The following KCTD17 variants were observed in gnomAD, a reference collection of about 807,000 sequenced individuals.
KCTD17 encodes potassium channel tetramerization domain containing 17.
Under a neutral mutation model 41.5 loss-of-function variants are expected in KCTD17, and 20 were observed. The ratio of observed to expected loss-of-function variants is 0.48; its 90% CI spans 0.34 to 0.70. The LOEUF (loss-of-function observed/expected upper bound fraction) is 0.70, where lower values mean the gene tolerates loss of function less well. Among genes scored for constraint, KCTD17 ranks in the 30% least tolerant of loss-of-function variants. The probability of loss-of-function intolerance (pLI) is 0.01; values close to 1 mark genes in which losing one functional copy is unlikely to be tolerated. For synonymous variants in KCTD17, 156 were observed against 173.8 expected (o/e 0.90, Z 0.80); for missense variants, 317 against 427.2 (o/e 0.74, Z 2.27).
chr22:37,052,312 C>T (rs1924587887), intron 1 of KCTD17: 2 of 363,760 alleles, frequency 5.5e-6, no homozygotes, highest in African/African-American at 2.1e-5. Context: ...TTCTCCCGCT[C>T]TTTGGGATGT....
At chr22:37,060,106 G>T (rs1379234031) in intron 5 of KCTD17, among the ~76,000 whole-genome samples, 1 of 152,200 alleles carries the variant, frequency 6.6e-6, no homozygotes, top group Non-Finnish European at 1.5e-5. Flanking sequence ...CTGAGCGGGG[G>T]TCCTGCCATC....
chr22:37,061,485 G>C lies in KCTD17; in HGVS notation c.785-54G>C. On this transcript the variant is annotated intron_variant, in intron 7 of 8. Coordinates refer to ENST00000403888, the MANE Select transcript of KCTD17 (RefSeq NM_001282684.2). This position sits in a 1 kb window ranked among gnomAD's most constrained non-coding sequence, Gnocchi z 6.6. ...CTCTGAGACTGGGCCCTGGCTGCAG[G>C]CCCTGCCCCCCCTCCTCTCCTCCCG... The C allele has an allele frequency of 1.9e-6, 3 of 1,561,386 alleles. No individual in the cohort carries two copies. Among genetic ancestry groups the C allele is most frequent in the Non-Finnish European group, 2.6e-6 (3 of 1,158,496 alleles).
rs574123241 is a variant in KCTD17, at chr22:37,053,129, T to C, written c.219T>C (p.Arg73=). ...RDETGAYLID[R]DPTYFGPILN... ...AGACCGGGGCCTACCTCATTGACCG[T>C]GACCCCACCTACTTCGGGCCCATCC... is the stretch of plus-strand genomic sequence containing the variant. The change falls in exon 2 of 9, where the codon CGT becomes CGC. Residue 73 remains arginine, a synonymous_variant. Coordinates refer to ENST00000403888, the MANE Select transcript of KCTD17 (RefSeq NM_001282684.2). This position sits in a 1 kb window ranked among gnomAD's most constrained non-coding sequence, Gnocchi z 4.1. The C allele has an allele frequency of 1.3e-6, 2 of 1,599,816 alleles. No homozygotes were observed. The highest frequency in any genetic ancestry group is 2.3e-5 in the East Asian group (1 of 44,232).
In KCTD17 at chr22:37,053,257, C is replaced by T. The variant is rs1924707685; in HGVS notation, c.298+49C>T. 1 of 1,430,854 alleles carries T rather than the reference C, an allele frequency of 7.0e-7. No individual in the cohort carries two copies. The highest frequency in any genetic ancestry group is 9.6e-7 in the Non-Finnish European group (1 of 1,037,286). The allele number at this position is 1,430,854 out of a possible 1,614,324, so 88.6% of individuals were successfully genotyped here. A position where few individuals can be genotyped will look rare whatever the true frequency, so the allele number is the denominator to read the frequency against. The stretch of plus-strand genomic sequence containing the variant: ...CTGGACCTTATGCAGCCTGCCAGGG[C>T]CCTCTGTGGAGGCCCCAAGCCATTT... On this transcript the variant is annotated intron_variant, in intron 2 of 8. Coordinates refer to ENST00000403888, the MANE Select transcript of KCTD17 (RefSeq NM_001282684.2). The surrounding 1 kb of genome is among the most constrained non-coding windows in gnomAD (Gnocchi z 4.1).
intron 4 of KCTD17, 53 bp downstream of exon 4, chr22:37,057,546 T>C: frequency 6.9e-7 from 1 of 1,456,428 alleles, no homozygotes; most frequent in Non-Finnish European, 9.5e-7. Context: ...CCTCCTAGCC[T>C]CTGACCAAGC....
In KCTD17 at chr22:37,061,748, G is replaced by T; in HGVS notation, c.875+119G>T. On this transcript the variant is annotated intron_variant, in intron 8 of 8. Transcript: ENST00000403888. The surrounding 1 kb of genome is among the most constrained non-coding windows in gnomAD (Gnocchi z 6.6). ...CTCCACCCACCAAAGTTTCTCATCC[G>T]ACCTTGGCCTTGGGGGTGAGGCTCT... 14 of 1,459,566 alleles carry T rather than the reference G, an allele frequency of 9.6e-6. No individual in the cohort carries two copies. The highest frequency in any genetic ancestry group is 1.3e-5 in the Non-Finnish European group (14 of 1,100,790). 90.4% of individuals were successfully genotyped at this position (1,459,566 alleles called of 1,614,324 possible).
intron 4 of KCTD17, among the ~76,000 whole-genome samples, chr22:37,058,691 G>T (rs1279562178): frequency 6.6e-6 from 1 of 152,184 alleles, no homozygotes; most frequent in African/African-American, 2.4e-5. Flanking sequence ...GAAGGGCTCT[G>T]TGGGCGTGGT....
At chr22:37,057,312 G>C in intron 3 of KCTD17, 86 bp from the exon 4 acceptor site, 1 of 971,064 alleles carries the variant, frequency 1.0e-6, no homozygotes, top group Non-Finnish European at 1.7e-6. Context: ...GGTATGTTGC[G>C]GGGGTGGTGG....
chr22:37,062,755 C>T lies in KCTD17; in HGVS notation c.*161C>T. 7.0e-7 allele frequency: 1 copy of T among 1,435,844 alleles called. No individual in the cohort carries two copies. The highest frequency in any genetic ancestry group is 9.1e-7 in the Non-Finnish European group (1 of 1,093,996). The allele number at this position is 1,435,844 out of a possible 1,614,324, so 88.9% of individuals were successfully genotyped here. A position where few individuals can be genotyped will look rare whatever the true frequency, so the allele number is the denominator to read the frequency against. On this transcript the variant is annotated 3_prime_UTR_variant, in exon 9 of 9. Coordinates refer to ENST00000403888, the MANE Select transcript of KCTD17 (RefSeq NM_001282684.2). ...GACCTCTTAAGGCCCAAGGTGGGCC[C>T]CAGGACCTCTGGGCAGAGTGGACTG...
intron 2 of KCTD17, among the ~76,000 whole-genome samples, chr22:37,056,118 G>A (rs986881258): frequency 2.0e-5 from 3 of 152,168 alleles, no homozygotes; most frequent in Admixed American, 6.5e-5. Context: ...CTGTGTGGCA[G>A]CCCCTCAGCC....
In KCTD17 at chr22:37,061,188, C is replaced by G; in HGVS notation, c.784+13C>G. ...CTTCCCGCTGGAGGTCCTGCCTCAT[C>G]TTCATCCACCTCTTCTTCCTCCTGG... On this transcript the variant is annotated intron_variant, in intron 7 of 8. Coordinates refer to ENST00000403888, the MANE Select transcript of KCTD17 (RefSeq NM_001282684.2). This position sits in a 1 kb window ranked among gnomAD's most constrained non-coding sequence, Gnocchi z 6.6. 6.4e-7 allele frequency: 1 copy of G among 1,551,106 alleles called. No homozygotes were observed. The highest frequency in any genetic ancestry group is 8.7e-7 in the Non-Finnish European group (1 of 1,146,928).
rs368081178 is a variant in KCTD17 at position 37,061,497 on chromosome 22, C to A, written c.785-42C>A. The A allele has an allele frequency of 3.2e-6, 5 of 1,577,956 alleles. No homozygotes were observed. The highest frequency in any genetic ancestry group is 1.7e-4 in the Middle Eastern group (1 of 6,010). On this transcript the variant is annotated intron_variant, in intron 7 of 8. Transcript: ENST00000403888. This position sits in a 1 kb window ranked among gnomAD's most constrained non-coding sequence, Gnocchi z 6.6. ...GCCCTGGCTGCAGGCCCTGCCCCCC[C>A]TCCTCTCCTCCCGGCCTCCTCCTCA... is the stretch of plus-strand genomic sequence containing the variant.
intron 1 of KCTD17, 56 bp downstream of exon 1, chr22:37,052,005 C>T: frequency 8.1e-7 from 1 of 1,227,624 alleles, no homozygotes; most frequent in Non-Finnish European, 1.0e-6. Flanking sequence ...TCGCCCGACG[C>T]GGGGCTGTCG....
At position 37,051,889 on chromosome 22, in the gene KCTD17, C is replaced by A. The variant is rs1337585220; in HGVS notation, c.129C>A (p.Cys43Ter). 1.3e-6 allele frequency: 2 copies of A among 1,501,820 alleles called. No homozygotes were observed. The highest frequency in any genetic ancestry group is 2.1e-5 in the Admixed American group (1 of 48,006). The allele number at this position is 1,501,820 out of a possible 1,614,324, so 93.0% of individuals were successfully genotyped here. ...TCCTGACCACCCGGCAGACGCTGTG[C>A]CGCGAGCAGAAGTCCTTCCTCAGCC... ...TVFLTTRQTL[C>*]REQKSFLSRL... is the part of the protein sequence containing the mutation. The change falls in exon 1 of 9, where the codon TGC (cysteine) becomes TGA (stop). Residue 43 changes from cysteine to a stop codon, truncating the protein, a stop_gained. Transcript: ENST00000403888. LOFTEE classifies it high-confidence loss of function.
chr22:37,052,762 C>T, intron 1 of KCTD17: 1 of 434,370 alleles, frequency 2.3e-6, no homozygotes, highest in African/African-American at 2.0e-5. Flanking sequence ...GGGCTGGCTT[C>T]AGGGGACAGC....
In KCTD17 at chr22:37,062,837, C is replaced by T; in HGVS notation, c.*243C>T. 2 of 789,684 alleles carry T rather than the reference C, an allele frequency of 2.5e-6. No individual in the cohort carries two copies. The highest frequency in any genetic ancestry group is 5.7e-5 in the East Asian group (2 of 34,858). 48.9% of individuals were successfully genotyped at this position (789,684 alleles called of 1,614,324 possible). ...TGTCTCTCCGGCACCTGCGTCCCCT[C>T]TCCCGGGCTCCCCTGCTGCATGGTG... On this transcript the variant is annotated 3_prime_UTR_variant, in exon 9 of 9. Coordinates refer to ENST00000403888, the MANE Select transcript of KCTD17 (RefSeq NM_001282684.2).
At chr22:37,062,337 C>G in intron 8 of KCTD17, 188 bp from the exon 9 acceptor site, 3 of 985,222 alleles carry the variant, frequency 3.0e-6, no homozygotes, top group Non-Finnish European at 3.6e-6. Flanking sequence ...AGTTCTGAAT[C>G]CACCTTCTTT....
intron 3 of KCTD17, 176 bp from the exon 4 acceptor site, chr22:37,057,222 T>G (rs1410323697): frequency 1.5e-6 from 1 of 672,842 alleles, no homozygotes; most frequent in Non-Finnish European, 2.7e-6. Context: ...GCCTGGTAAA[T>G]GCCTGGTGAG....
rs1438745723 is a variant in KCTD17, at chr22:37,052,181, T to G, written c.189+232T>G. ...CGCAGGCCGCGGCCATTAGAAGCTC[T>G]CCAGCCGCCCCGGATCGGGGCCTCT... On this transcript the variant is annotated intron_variant, in intron 1 of 8. Transcript: ENST00000403888. 8.0e-5 allele frequency: 42 copies of G among 521,924 alleles called. No homozygotes were observed. The South Asian group carries it at 1.0e-3, about 12-fold the overall frequency. The allele number at this position is 521,924 out of a possible 1,614,324, so 32.3% of individuals were successfully genotyped here. A position where few individuals can be genotyped will look rare whatever the true frequency, so the allele number is the denominator to read the frequency against.
Sources: allele counts gnomAD v4.1 joint callset (sites outside exome capture counted in the v4.1 genomes callset), GRCh38; gene constraint gnomAD v4.1.1; non-coding constraint Gnocchi (gnomAD v3.1); transcripts MANE v1.5; gene names NCBI Gene and HGNC (gene_info 2026-07-23, HGNC 2026-07-21).